TADA2A: variants seen among roughly 807,000 people sequenced by gnomAD.
TADA2A encodes the protein transcriptional adapter 2-alpha.
In TADA2A, 38 loss-of-function variants were observed where a neutral mutation model predicts 67.4. That is an observed-to-expected ratio of 0.56 (90% CI 0.44 to 0.74). The LOEUF is 0.74. Ranked by LOEUF, TADA2A falls within the 30% of genes least tolerant of loss-of-function variation. TADA2A has a pLI of 0.00. For missense variants in TADA2A, 454 were observed against 547.0 expected (o/e 0.83, Z 1.70); for synonymous variants, 192 against 181.6 (o/e 1.06, Z -0.46).
intron 4 of TADA2A, among the ~76,000 whole-genome samples, chr17:37,434,629 A>G (rs1234069011): frequency 6.6e-6 from 1 of 152,220 alleles, no homozygotes; most frequent in East Asian, 1.9e-4. Flanking sequence ...TGGATCTGCT[A>G]ATTCACCAAG....
intron 6 of TADA2A, among the ~76,000 whole-genome samples, chr17:37,442,176 C>A (rs1345409453): frequency 6.7e-6 from 1 of 149,412 alleles, no homozygotes; most frequent in Non-Finnish European, 1.5e-5. Context: ...ACTTCCAATT[C>A]CAGTGTTTGT....
At chr17:37,459,289 C>CTT (rs1037203259) in intron 9 of TADA2A, among the ~76,000 whole-genome samples, 1 of 138,314 alleles carries the variant, frequency 7.2e-6, no homozygotes, top group African/African-American at 2.7e-5. Flanking sequence ...TTGCTTTTGT[C>CTT]TTTTTTTTTT....
At chr17:37,463,121 C>T (rs1466953401) in intron 10 of TADA2A, among the ~76,000 whole-genome samples, 1 of 151,918 alleles carries the variant, frequency 6.6e-6, no homozygotes, top group African/African-American at 2.4e-5. Flanking sequence ...AGCTATCGTG[C>T]CTGGCCTTTA....
At position 37,476,546 on chromosome 17, in the gene TADA2A, C is replaced by T. The variant is rs115185941; in HGVS notation, c.1147-251C>T. On this transcript the variant is annotated intron_variant, in intron 15 of 15. Coordinates refer to ENST00000615182, the MANE Select transcript of TADA2A (RefSeq NM_001166105.3). ...TTGTAAATCCCTAACAAACCCAGGC[C>T]CCTGAGCCAGCTGGCATGTGCTAAA... Among the ~76,000 whole-genome samples the T allele has an allele frequency of 6.2e-3, 949 of 152,230 alleles. 2 individuals are homozygous for T. The highest frequency in any genetic ancestry group is 0.021 in the African/African-American group (883 of 41,548).
chr17:37,474,523 TA>T (rs1357155165), intron 14 of TADA2A, 32 bp from the exon 15 acceptor site: 5 of 1,604,988 alleles, frequency 3.1e-6, no homozygotes, highest in Non-Finnish European at 4.3e-6. Context: ...TCACTCCTAT[TA>T]AATCTATGCT....
chr17:37,427,422 C>G (rs1045066187), intron 4 of TADA2A, among the ~76,000 whole-genome samples: 4 of 152,100 alleles, frequency 2.6e-5, no homozygotes, highest in Admixed American at 2.6e-4. Context: ...CAGTTCATTC[C>G]CTTGCCTTGG....
At chr17:37,409,610 T>C (rs1016712612) in intron 1 of TADA2A, among the ~76,000 whole-genome samples, 1 of 150,210 alleles carries the variant, frequency 6.7e-6, no homozygotes, top group Non-Finnish European at 1.5e-5. Context: ...CTACTAAAAA[T>C]ACAAAAATTA....
intron 10 of TADA2A, among the ~76,000 whole-genome samples, chr17:37,463,596 A>G (rs980606934): frequency 9.9e-5 from 15 of 151,526 alleles, no homozygotes; most frequent in African/African-American, 3.4e-4. Flanking sequence ...CAGAAAATCT[A>G]TATTTTTTAA....
At chr17:37,450,281 C>T (rs1166132982) in intron 8 of TADA2A, among the ~76,000 whole-genome samples, 1 of 152,100 alleles carries the variant, frequency 6.6e-6, no homozygotes, top group Non-Finnish European at 1.5e-5. Flanking sequence ...TGGCCAAAAG[C>T]TTGGGGGGAA....
intron 4 of TADA2A, among the ~76,000 whole-genome samples, chr17:37,432,677 A>G (rs1480863866): frequency 6.6e-6 from 1 of 152,192 alleles, no homozygotes; most frequent in Non-Finnish European, 1.5e-5. Context: ...AAAGCTTTCT[A>G]TGTACATATG....
intron 8 of TADA2A, among the ~76,000 whole-genome samples, chr17:37,444,989 AATATCT>A (rs1003695130): frequency 1.3e-4 from 20 of 152,138 alleles, no homozygotes; most frequent in Admixed American, 3.3e-4. Flanking sequence ...AGTAGTAGGA[AATATCT>A]GTTGGACTGT....
At chr17:37,450,156 C>T (rs1242261476) in intron 8 of TADA2A, among the ~76,000 whole-genome samples, 1 of 152,210 alleles carries the variant, frequency 6.6e-6, no homozygotes, top group Non-Finnish European at 1.5e-5. Flanking sequence ...CCGTCCTGGG[C>T]TGCATGTGAC....
At chr17:37,463,963 A>T (rs1414938065) in intron 10 of TADA2A, among the ~76,000 whole-genome samples, 1 of 152,122 alleles carries the variant, frequency 6.6e-6, no homozygotes, top group African/African-American at 2.4e-5. Context: ...AAAAAAAATA[A>T]AAAGGTAAGC....
At chr17:37,411,143 A>T (rs1238380512) in intron 1 of TADA2A, 126 bp from the exon 2 acceptor site, 1 of 586,190 alleles carries the variant, frequency 1.7e-6, no homozygotes. Context: ...AGGTTTTCAG[A>T]GGTGGAATAA....
chr17:37,433,352 T>C (rs928487687), intron 4 of TADA2A, among the ~76,000 whole-genome samples: 20 of 152,242 alleles, frequency 1.3e-4, no homozygotes, highest in African/African-American at 4.8e-4. Flanking sequence ...ATAGTACATT[T>C]GTCAAAATTG....
intron 9 of TADA2A, among the ~76,000 whole-genome samples, chr17:37,459,243 T>A (rs1391021662): frequency 2.4e-5 from 3 of 123,100 alleles, no homozygotes; most frequent in African/African-American, 1.0e-4. Flanking sequence ...ACAGTATTGT[T>A]ACACTTTTTT....
intron 8 of TADA2A, among the ~76,000 whole-genome samples, chr17:37,456,600 T>G (rs1163422553): frequency 1.3e-5 from 2 of 152,184 alleles, no homozygotes; most frequent in African/African-American, 4.8e-5. Context: ...ATAGCTATCT[T>G]TACTCTGATG....
At chr17:37,463,415 T>G (rs1312019583) in intron 10 of TADA2A, among the ~76,000 whole-genome samples, 1 of 151,934 alleles carries the variant, frequency 6.6e-6, no homozygotes, top group African/African-American at 2.4e-5. Context: ...ATCGTAGGGT[T>G]CAGTCAACAA....
chr17:37,465,452 A>G lies in TADA2A; in HGVS notation c.734A>G (p.Lys245Arg), dbSNP rs1361482732. Residue 245 changes from lysine to arginine, a missense_variant, in exon 11 of 16, where the codon AAG becomes AGG. Lys to Arg is a conservative substitution (Grantham distance 26, BLOSUM62 2). Around this residue, in one of 2 missense-constraint regions of TADA2A, gnomAD observed 403 missense variants for 455.5 expected, o/e 0.88. Coordinates refer to ENST00000615182, the MANE Select transcript of TADA2A (RefSeq NM_001166105.3). The part of the protein sequence containing the change: ...KFQLMERRYP[K>R]EVQDLYETMR... ...GTAGTAATGGAACGGCGGTATCCCA[A>G]GGAGGTCCAGGACCTGTATGAAACA... 4.3e-6 allele frequency: 7 copies of G among 1,613,910 alleles called. No individual in the cohort carries two copies. Among genetic ancestry groups the G allele is most frequent in the Non-Finnish European group, 5.1e-6 (6 of 1,179,862 alleles).
Sources: gnomAD v4.1 joint callset for allele counts (sites outside exome capture counted in the v4.1 genomes callset) on GRCh38, gnomAD v4.1.1 for gene constraint, gnomAD v4.1.1 regional missense constraint, MANE v1.5 for transcripts, NCBI Gene and HGNC (gene_info 2026-07-23, HGNC 2026-07-21) for gene names.